Variants in ARID2 observed in about 807,000 individuals in gnomAD.
ARID2 encodes the protein AT-rich interaction domain 2, also known as AT-rich interactive domain-containing protein 2.
Under a neutral mutation model 184.6 loss-of-function variants are expected in ARID2, and 32 were observed. That is an observed-to-expected ratio of 0.17 (90% CI 0.13 to 0.23). The LOEUF (loss-of-function observed/expected upper bound fraction) is 0.23. Ranked by LOEUF, ARID2 falls within the 10% of genes least tolerant of loss-of-function variation. ARID2 has a pLI of 1.00. For synonymous variants in ARID2, 836 were observed against 772.6 expected, an observed-to-expected ratio of 1.08 and a Z score of -1.36; for missense variants, 1,696 against 2,197.6, an observed-to-expected ratio of 0.77 and a Z score of 4.56.
intron 11 of ARID2, chr12:45,841,021 G>C (rs537555685): frequency 6.6e-6 from 1 of 152,168 alleles, no homozygotes; most frequent in Non-Finnish European, 1.5e-5. Flanking sequence ...TCTTTGGTCA[G>C]AATATTAATG....
intron 16 of ARID2, among the ~76,000 whole-genome samples, chr12:45,867,878 A>G (rs1380540696): frequency 6.6e-6 from 1 of 152,164 alleles, no homozygotes; most frequent in African/African-American, 2.4e-5. Flanking sequence ...GGCATGAGCC[A>G]CTGCACCTGA....
intron 15 of ARID2, among the ~76,000 whole-genome samples, chr12:45,860,434 C>G (rs1943723197): frequency 6.6e-6 from 1 of 151,994 alleles, no homozygotes; most frequent in East Asian, 1.9e-4. Flanking sequence ...TGCAGTTGAT[C>G]TGTTCTTGTG....
intron 3 of ARID2, among the ~76,000 whole-genome samples, chr12:45,773,585 G>A (rs1565590833): frequency 6.6e-6 from 1 of 151,772 alleles, no homozygotes; most frequent in African/African-American, 2.4e-5. Flanking sequence ...GAAATAAAAA[G>A]GAGTGTAAAG....
Position 45,905,299 on chromosome 12 carries a change from C to T in ARID2, c.*221C>T. 2.4e-6 allele frequency: 1 copy of T among 421,112 alleles called. No individual in the cohort carries two copies. Among genetic ancestry groups the T allele is most frequent in the Non-Finnish European group, 4.1e-6 (1 of 241,902 alleles). 26.1% of individuals were successfully genotyped at this position (421,112 alleles called of 1,614,324 possible). ...AAGAAAAAGGAAAAAAAAAAAAGAA[C>T]TGCTGTGGGATTGTCAACCAGCTTA... On this transcript the variant is annotated 3_prime_UTR_variant, in exon 21 of 21. Transcript: ENST00000334344.
intron 16 of ARID2, among the ~76,000 whole-genome samples, chr12:45,873,126 A>T (rs1032103554): frequency 2.0e-5 from 3 of 152,166 alleles, no homozygotes; most frequent in Non-Finnish European, 4.4e-5. Context: ...TCATTATGTA[A>T]TGCCCCTCTT....
chr12:45,811,977 G>A (rs952793169), intron 4 of ARID2, among the ~76,000 whole-genome samples: 3 of 152,030 alleles, frequency 2.0e-5, no homozygotes, highest in African/African-American at 7.2e-5. Flanking sequence ...TTCCTGCCAT[G>A]GTAGCAGGAA....
chr12:45,862,246 C>T (rs1442677293), intron 16 of ARID2, among the ~76,000 whole-genome samples: 1 of 151,998 alleles, frequency 6.6e-6, no homozygotes, highest in Non-Finnish European at 1.5e-5. Flanking sequence ...ATATTGTTTT[C>T]AGTTATATAT....
At chr12:45,735,383 T>C (rs1323190591) in intron 3 of ARID2, among the ~76,000 whole-genome samples, 3 of 151,902 alleles carry the variant, frequency 2.0e-5, no homozygotes, top group African/African-American at 7.2e-5. Context: ...AAGTTATTCA[T>C]GCATGTATTT....
chr12:45,743,999 T>C (rs1027197158), intron 3 of ARID2, among the ~76,000 whole-genome samples: 1 of 145,834 alleles, frequency 6.9e-6, no homozygotes, highest in East Asian at 1.9e-4. Flanking sequence ...TTATGATTGA[T>C]TTTTTTTTCT....
At chr12:45,733,153 AG>A (rs1941034664) in intron 3 of ARID2, among the ~76,000 whole-genome samples, 1 of 152,194 alleles carries the variant, frequency 6.6e-6, no homozygotes, top group East Asian at 1.9e-4. Context: ...CTAGGCTACT[AG>A]GAAAAAAGTT....
intron 16 of ARID2, among the ~76,000 whole-genome samples, chr12:45,864,049 G>T (rs1943795474): frequency 6.6e-6 from 1 of 151,604 alleles, no homozygotes; most frequent in Non-Finnish European, 1.5e-5. Context: ...TACAGACAGG[G>T]TTTTGCCATG....
intron 20 of ARID2, among the ~76,000 whole-genome samples, chr12:45,902,651 C>T (rs1944474478): frequency 6.6e-6 from 1 of 151,698 alleles, no homozygotes; most frequent in Non-Finnish European, 1.5e-5. Flanking sequence ...CCTGCCTCAG[C>T]CTCCTGAGTA....
chr12:45,892,419 T>C (rs1944312342), intron 18 of ARID2, among the ~76,000 whole-genome samples: 1 of 152,208 alleles, frequency 6.6e-6, no homozygotes, highest in Admixed American at 6.5e-5. Flanking sequence ...ATGGTTCTTT[T>C]TTCTGTAAAA....
intron 16 of ARID2, among the ~76,000 whole-genome samples, chr12:45,862,646 C>G (rs1943768148): frequency 6.6e-6 from 1 of 152,170 alleles, no homozygotes; most frequent in Admixed American, 6.5e-5. Flanking sequence ...GAATTCGAGT[C>G]TAGCTTGGGC....
intron 3 of ARID2, among the ~76,000 whole-genome samples, chr12:45,765,715 T>G (rs756005765): frequency 2.6e-5 from 4 of 152,160 alleles, no homozygotes; most frequent in African/African-American, 4.8e-5. Flanking sequence ...CTTTTTGAAT[T>G]GTATAAAGTA....
chr12:45,752,196 G>T (rs1941476864), intron 3 of ARID2, among the ~76,000 whole-genome samples: 1 of 152,194 alleles, frequency 6.6e-6, no homozygotes, highest in South Asian at 2.1e-4. Context: ...AGCATATGCA[G>T]ATAAAATTAT....
chr12:45,861,630 G>A (rs887000526), intron 16 of ARID2, among the ~76,000 whole-genome samples: 21 of 144,686 alleles, frequency 1.5e-4, no homozygotes, highest in Non-Finnish European at 4.5e-5. Context: ...TGTTGTTCAG[G>A]CTGGAGTGCA....
intron 3 of ARID2, among the ~76,000 whole-genome samples, chr12:45,734,395 T>A (rs1467454480): frequency 6.6e-6 from 1 of 152,014 alleles, no homozygotes; most frequent in East Asian, 1.9e-4. Flanking sequence ...ATAAAATAAA[T>A]AAATTAAAAA....
At chr12:45,833,808 A>G (rs1183858009) in intron 6 of ARID2, among the ~76,000 whole-genome samples, 1 of 152,138 alleles carries the variant, frequency 6.6e-6, no homozygotes, top group East Asian at 1.9e-4. Context: ...TGTTCTCTCC[A>G]GTTTTTTGAC....
Sources: allele counts gnomAD v4.1 joint callset (sites outside exome capture counted in the v4.1 genomes callset), GRCh38; gene constraint gnomAD v4.1.1; transcripts MANE v1.5; gene names NCBI Gene and HGNC (gene_info 2026-07-23, HGNC 2026-07-21).